PLXNA2: variants seen among roughly 807,000 people sequenced by gnomAD.
The protein encoded by PLXNA2 is plexin-A2.
A neutral mutation model predicts 193.5 loss-of-function variants in PLXNA2; 91 were observed. The observed-to-expected ratio is 0.47, with a 90% CI of 0.40 to 0.56. The LOEUF (loss-of-function observed/expected upper bound fraction) is 0.56. Among genes scored for constraint, PLXNA2 ranks in the 20% least tolerant of loss-of-function variants. The probability of loss-of-function intolerance (pLI) is 0.00; values close to 1 mark genes in which losing one functional copy is unlikely to be tolerated. For synonymous variants in PLXNA2, 997 were observed against 1,027.3 expected (o/e 0.97, Z 0.56); for missense variants, 1,995 against 2,503.2 (o/e 0.80, Z 4.33).
At chr1:208,095,130 G>T (rs138785347) in intron 8 of PLXNA2, among the ~76,000 whole-genome samples, 185 of 152,326 alleles carry the variant, frequency 1.2e-3, no homozygotes, top group African/African-American at 3.9e-3. Flanking sequence ...TCCCCTTGCT[G>T]AATGTCTAGG....
intron 22 of PLXNA2, among the ~76,000 whole-genome samples, chr1:208,040,947 T>G (rs1329550011): frequency 6.6e-6 from 1 of 152,188 alleles, no homozygotes; most frequent in Non-Finnish European, 1.5e-5. Context: ...AGGGGTATTT[T>G]AACTCCCTGC....
At chr1:208,180,157 G>T (rs1314792430) in intron 3 of PLXNA2, among the ~76,000 whole-genome samples, 1 of 130,148 alleles carries the variant, frequency 7.7e-6, no homozygotes, top group African/African-American at 3.0e-5. Context: ...GCTCACTGGG[G>T]GCTTGTATTT....
intron 3 of PLXNA2, among the ~76,000 whole-genome samples, chr1:208,190,144 G>A (rs2102562711): frequency 6.6e-6 from 1 of 152,258 alleles, no homozygotes; most frequent in Non-Finnish European, 1.5e-5. Flanking sequence ...AGAGAAGGAG[G>A]CAGAAAAGGG....
At chr1:208,165,035 G>A (rs2590687) in intron 3 of PLXNA2, among the ~76,000 whole-genome samples, 143,578 of 152,284 alleles carry the variant, frequency 0.94, 68,246 homozygotes, top group East Asian at 1. Flanking sequence ...TGTGCCCCCT[G>A]TTTGAATTTG....
At chr1:208,150,115 T>C (rs957850879) in intron 3 of PLXNA2, among the ~76,000 whole-genome samples, 3 of 152,098 alleles carry the variant, frequency 2.0e-5, no homozygotes, top group African/African-American at 7.2e-5. Flanking sequence ...GAAACAGGGA[T>C]AAGGGTCTCT....
chr1:208,029,481 G>A, intron 29 of PLXNA2: 1 of 1,012,662 alleles, frequency 9.9e-7, no homozygotes, highest in Non-Finnish European at 1.2e-6. Flanking sequence ...CAGCCTCGGA[G>A]CAGGCACAAA....
intron 3 of PLXNA2, among the ~76,000 whole-genome samples, chr1:208,195,783 C>A (rs997568937): frequency 6.6e-6 from 1 of 151,664 alleles, no homozygotes; most frequent in Non-Finnish European, 1.5e-5. Flanking sequence ...ATCAAGGAGA[C>A]AGATTTTTTA....
intron 3 of PLXNA2, among the ~76,000 whole-genome samples, chr1:208,151,541 G>C (rs1311491597): frequency 4.6e-5 from 7 of 152,248 alleles, no homozygotes. Context: ...TCCTCAAAAG[G>C]GGGCAGGACA....
chr1:208,217,804 G>C lies in PLXNA2; in HGVS notation c.119C>G (p.Thr40Ser). 6.2e-7 allele frequency: 1 copy of C among 1,614,200 alleles called. No homozygotes were observed. Among genetic ancestry groups the C allele is most frequent in the Non-Finnish European group, 8.5e-7 (1 of 1,180,034 alleles). Reference protein sequence around the residue: ...PPAAGMPQFSTFHSENRDWTF... With the variant: ...PPAAGMPQFSSFHSENRDWTF... ...CCAGTCACGATTCTCAGAGTGGAAGGTGCTGAACTGAGGCATGCCGGCTGC... is the reference window on the plus strand; with the variant it reads ...CCAGTCACGATTCTCAGAGTGGAAGCTGCTGAACTGAGGCATGCCGGCTGC... The change falls in exon 2 of 32, where the codon ACC becomes AGC. Residue 40 changes from threonine to serine, a missense_variant. Thr to Ser is a moderately conservative substitution (Grantham distance 58). Around this residue, in one of 3 missense-constraint regions of PLXNA2, gnomAD observed 702 missense variants for 812.9 expected, o/e 0.86. Coordinates refer to ENST00000367033, the MANE Select transcript of PLXNA2 (RefSeq NM_025179.4). This position sits in a 1 kb window ranked among gnomAD's most constrained non-coding sequence, Gnocchi z 4.7.
At chr1:208,042,063 C>T (rs776674425) in intron 22 of PLXNA2, 35 bp downstream of exon 22, 2 of 1,603,604 alleles carry the variant, frequency 1.2e-6, no homozygotes, top group Non-Finnish European at 1.7e-6. Flanking sequence ...GTTCAGACTC[C>T]TGCCACCCTC....
intron 9 of PLXNA2, among the ~76,000 whole-genome samples, chr1:208,087,805 C>G (rs1044414921): frequency 6.6e-6 from 1 of 152,058 alleles, no homozygotes; most frequent in Admixed American, 6.5e-5. Context: ...GGACCCCAAA[C>G]AATTGCCAAG....
At chr1:208,138,355 C>A (rs902659518) in intron 4 of PLXNA2, among the ~76,000 whole-genome samples, 1 of 152,166 alleles carries the variant, frequency 6.6e-6, no homozygotes, top group East Asian at 1.9e-4. Context: ...GTGTTCTGAG[C>A]ATGTTTAAGG....
intron 4 of PLXNA2, among the ~76,000 whole-genome samples, chr1:208,105,260 G>T (rs1349946963): frequency 1.3e-5 from 2 of 152,188 alleles, no homozygotes; most frequent in African/African-American, 4.8e-5. Flanking sequence ...TCCAGTGTTC[G>T]AAGGGGAGCA....
intron 26 of PLXNA2, among the ~76,000 whole-genome samples, chr1:208,035,766 T>C (rs1164618699): frequency 6.6e-6 from 1 of 152,170 alleles, no homozygotes; most frequent in Non-Finnish European, 1.5e-5. Flanking sequence ...AAAACCATCT[T>C]TCTGGGTCTT....
chr1:208,163,394 T>C (rs1669195790), intron 3 of PLXNA2, among the ~76,000 whole-genome samples: 1 of 147,732 alleles, frequency 6.8e-6, no homozygotes, highest in African/African-American at 2.5e-5. Flanking sequence ...GGGAGGGAGG[T>C]GGAAAGGAGG....
intron 12 of PLXNA2, among the ~76,000 whole-genome samples, chr1:208,066,752 T>TCTATG (rs1187036111): frequency 1.3e-5 from 2 of 152,116 alleles, no homozygotes; most frequent in Non-Finnish European, 2.9e-5. Flanking sequence ...AGACGACAGC[T>TCTATG]CTATGCATGC....
intron 12 of PLXNA2, among the ~76,000 whole-genome samples, chr1:208,068,063 GACCACAATTGCCACACT>G (rs1273712848): frequency 6.6e-6 from 1 of 152,070 alleles, no homozygotes; most frequent in Non-Finnish European, 1.5e-5. Flanking sequence ...ACACCTCCAG[GACCACAATTGCCACACT>G]GCATTGTAAC....
At chr1:208,124,922 C>T (rs531993171) in intron 4 of PLXNA2, among the ~76,000 whole-genome samples, 36 of 152,146 alleles carry the variant, frequency 2.4e-4, no homozygotes, top group African/African-American at 7.7e-4. Flanking sequence ...AGCTAGAGAA[C>T]GAGGGCAGAA....
chr1:208,116,236 A>C (rs949740473), intron 4 of PLXNA2, among the ~76,000 whole-genome samples: 2 of 152,122 alleles, frequency 1.3e-5, no homozygotes, highest in African/African-American at 4.8e-5. Flanking sequence ...TGAGAATCTG[A>C]CTGCCTGCCC....
Sources: allele counts gnomAD v4.1 joint callset (sites outside exome capture counted in the v4.1 genomes callset), GRCh38; gene constraint gnomAD v4.1.1; regional missense constraint gnomAD v4.1.1; non-coding constraint Gnocchi (gnomAD v3.1); transcripts MANE v1.5; gene names NCBI Gene and HGNC (gene_info 2026-07-23, HGNC 2026-07-21).